BAIAP2L1: variants seen among roughly 807,000 people sequenced by gnomAD.
The protein encoded by BAIAP2L1 is BAR/IMD domain containing adaptor protein 2 like 1.
A neutral mutation model predicts 66.3 loss-of-function variants in BAIAP2L1; 35 were observed. That is an observed-to-expected ratio of 0.53 (90% confidence interval 0.40 to 0.70). The LOEUF (loss-of-function observed/expected upper bound fraction) is 0.70, where lower values mean the gene tolerates loss of function less well. Among genes scored for constraint, BAIAP2L1 ranks in the 30% least tolerant of loss-of-function variants. BAIAP2L1 has a pLI of 0.00. For missense variants in BAIAP2L1, 622 were observed against 656.9 expected, an observed-to-expected ratio of 0.95 and a Z score of 0.58; for synonymous variants, 269 against 248.7, an observed-to-expected ratio of 1.08 and a Z score of -0.77.
At chr7:98,371,888 G>A (rs1213107096) in intron 1 of BAIAP2L1, among the ~76,000 whole-genome samples, 2 of 151,134 alleles carry the variant, frequency 1.3e-5, no homozygotes, top group East Asian at 2.0e-4. Context: ...TCCGCCTCCC[G>A]GGTTCACACC....
rs1052644611 is a variant in BAIAP2L1, at chr7:98,292,548, G to C, written c.*973C>G. 1 of 1,259,564 alleles carries C rather than the reference G, an allele frequency of 7.9e-7. No homozygotes were observed. Among genetic ancestry groups the C allele is most frequent in the Non-Finnish European group, 1.1e-6 (1 of 883,964 alleles). 78.0% of individuals were successfully genotyped at this position (1,259,564 alleles called of 1,614,324 possible). ...AGATGATTTCCAGCCCCGGGCTCAG[G>C]GCAGCCAGTGCGTAGTCCTCACATC... is the stretch of plus-strand genomic sequence containing the variant. On this transcript the variant is annotated 3_prime_UTR_variant, in exon 14 of 14. Transcript: ENST00000005260.
Position 98,320,046 on chromosome 7 carries a change from C to A in BAIAP2L1, c.348+12G>T. 1 of 1,609,684 alleles carries A rather than the reference C, an allele frequency of 6.2e-7. No individual in the cohort carries two copies. The highest frequency in any genetic ancestry group is 8.5e-7 in the Non-Finnish European group (1 of 1,177,446). ...GCCCAAGGCTGGGGCTGGAGGAAAA[C>A]CATGCACTTACGTTCATATATTTCA... is the stretch of plus-strand genomic sequence containing the variant. On this transcript the variant is annotated intron_variant, in intron 5 of 13. Coordinates refer to ENST00000005260, the MANE Select transcript of BAIAP2L1 (RefSeq NM_018842.5).
chr7:98,324,242 C>T (rs947032346), intron 3 of BAIAP2L1, among the ~76,000 whole-genome samples: 5 of 152,330 alleles, frequency 3.3e-5, no homozygotes, highest in Non-Finnish European at 7.3e-5. Flanking sequence ...GCAATATACA[C>T]GTATTTCAAA....
rs182505709 is a variant in BAIAP2L1, at chr7:98,319,883, C to T, written c.348+175G>A. Among the ~76,000 whole-genome samples the T allele has an allele frequency of 6.6e-4, 100 of 152,180 alleles. 1 individual carries two copies. Among genetic ancestry groups the T allele is most frequent in the African/African-American group, 2.2e-3 (90 of 41,532 alleles). On this transcript the variant is annotated intron_variant, in intron 5 of 13. Transcript: ENST00000005260. Reference sequence around the variant, plus strand: ...TTTCTAATAAGATCCCAAGTGTTAGCGAAAACCGGCCCACACAGCCCAAAG... The same window carrying T: ...TTTCTAATAAGATCCCAAGTGTTAGTGAAAACCGGCCCACACAGCCCAAAG...
chr7:98,292,531 T>A lies in BAIAP2L1; in HGVS notation c.*990A>T, dbSNP rs1800010945. 1 of 1,099,076 alleles carries A rather than the reference T, an allele frequency of 9.1e-7. No homozygotes were observed. The highest frequency in any genetic ancestry group is 2.2e-5 in the Admixed American group (1 of 45,586). The allele number at this position is 1,099,076 out of a possible 1,614,324, so 68.1% of individuals were successfully genotyped here. A position where few individuals can be genotyped will look rare whatever the true frequency, so the allele number is the denominator to read the frequency against. On this transcript the variant is annotated 3_prime_UTR_variant, in exon 14 of 14. Transcript: ENST00000005260. ...AGATCCTTGGCAGCCAAAGATGATT[T>A]CCAGCCCCGGGCTCAGGGCAGCCAG...
intron 3 of BAIAP2L1, among the ~76,000 whole-genome samples, chr7:98,327,318 G>A (rs1013128865): frequency 6.7e-6 from 1 of 148,882 alleles, no homozygotes; most frequent in East Asian, 2.0e-4. Context: ...CTGAGATCAT[G>A]CCACTGCACT....
At chr7:98,316,449 C>T (rs1307219415) in intron 6 of BAIAP2L1, among the ~76,000 whole-genome samples, 1 of 152,174 alleles carries the variant, frequency 6.6e-6, no homozygotes, top group Non-Finnish European at 1.5e-5. Context: ...CATGTTTTGG[C>T]AGGAGGTCAC....
chr7:98,358,817 A>G (rs1802199364), intron 2 of BAIAP2L1, among the ~76,000 whole-genome samples: 1 of 152,200 alleles, frequency 6.6e-6, no homozygotes, highest in Non-Finnish European at 1.5e-5. Flanking sequence ...CACACACCCC[A>G]GAGCCCGTAG....
chr7:98,315,666 CAGAT>C, intron 6 of BAIAP2L1, 54 bp from the exon 7 acceptor site: 2 of 940,292 alleles, frequency 2.1e-6, no homozygotes, highest in Admixed American at 8.6e-5. Flanking sequence ...ACATGAGCAT[CAGAT>C]AGCGTGCAGC....
At chr7:98,370,894 G>A (rs1173887423) in intron 1 of BAIAP2L1, among the ~76,000 whole-genome samples, 1 of 151,940 alleles carries the variant, frequency 6.6e-6, no homozygotes, top group Non-Finnish European at 1.5e-5. Flanking sequence ...TAAACCCAGG[G>A]ACAAAAAAAG....
chr7:98,376,993 T>C (rs576791953), intron 1 of BAIAP2L1, among the ~76,000 whole-genome samples: 2 of 152,138 alleles, frequency 1.3e-5, no homozygotes, highest in African/African-American at 2.4e-5. Flanking sequence ...GTGGGTGTAA[T>C]CTAATCAGTC....
At chr7:98,363,442 TC>T (rs1452984793) in intron 1 of BAIAP2L1, among the ~76,000 whole-genome samples, 1 of 152,170 alleles carries the variant, frequency 6.6e-6, no homozygotes, top group African/African-American at 2.4e-5. Context: ...ACAGTTTCCC[TC>T]TCATGGATTT....
At chr7:98,303,604 G>T (rs552101246) in intron 12 of BAIAP2L1, among the ~76,000 whole-genome samples, 2 of 152,294 alleles carry the variant, frequency 1.3e-5, no homozygotes, top group Admixed American at 1.3e-4. Flanking sequence ...TTCTCCTCTA[G>T]CTGGAGAGCC....
chr7:98,336,500 C>T (rs368367484), intron 3 of BAIAP2L1, among the ~76,000 whole-genome samples: 4 of 152,254 alleles, frequency 2.6e-5, no homozygotes, highest in African/African-American at 9.6e-5. Flanking sequence ...GCTGTAGTTC[C>T]AGCTACTTGG....
At chr7:98,360,825 AG>A (rs1802253302) in intron 2 of BAIAP2L1, among the ~76,000 whole-genome samples, 1 of 152,180 alleles carries the variant, frequency 6.6e-6, no homozygotes, top group Non-Finnish European at 1.5e-5. Flanking sequence ...CTGGAGGGCA[AG>A]GGAGCAAAAT....
intron 1 of BAIAP2L1, among the ~76,000 whole-genome samples, chr7:98,398,621 C>T (rs1803276685): frequency 6.6e-6 from 1 of 152,146 alleles, no homozygotes; most frequent in South Asian, 2.1e-4. Context: ...CAGTGCCTTA[C>T]GTCTACAAAT....
intron 7 of BAIAP2L1, among the ~76,000 whole-genome samples, chr7:98,312,744 A>C (rs1800917807): frequency 1.2e-5 from 1 of 82,548 alleles, no homozygotes; most frequent in Non-Finnish European, 2.6e-5. Context: ...GAGTCTGTCT[A>C]TGGGGAAGAG....
chr7:98,344,772 T>C (rs376589081), intron 3 of BAIAP2L1, among the ~76,000 whole-genome samples: 1 of 150,772 alleles, frequency 6.6e-6, no homozygotes, highest in Admixed American at 6.6e-5. Context: ...CCGTCTCTAC[T>C]AAAAATGCAA....
At chr7:98,323,790 G>GC (rs546118246) in intron 3 of BAIAP2L1, among the ~76,000 whole-genome samples, 1 of 152,210 alleles carries the variant, frequency 6.6e-6, no homozygotes, top group Admixed American at 6.5e-5. Context: ...GCAGCTGGCC[G>GC]CCGCGGAGTC....
Sources: gnomAD v4.1 joint callset for allele counts (sites outside exome capture counted in the v4.1 genomes callset) on GRCh38, gnomAD v4.1.1 for gene constraint, MANE v1.5 for transcripts, NCBI Gene and HGNC (gene_info 2026-07-23, HGNC 2026-07-21) for gene names.